RADIL: variants seen among roughly 807,000 people sequenced by gnomAD.
RADIL encodes ras-associating and dilute domain-containing protein.
A neutral mutation model predicts 97.6 loss-of-function variants in RADIL; 99 were observed. That is an observed-to-expected ratio of 1.01 (90% CI 0.86 to 1.20). The LOEUF (loss-of-function observed/expected upper bound fraction) is 1.20, where lower values mean the gene tolerates loss of function less well. Among genes scored for constraint, RADIL ranks in the 50% most tolerant of loss-of-function variants. RADIL has a pLI of 0.00. For missense variants in RADIL, 1,765 were observed against 1,498.9 expected (o/e 1.18, Z -2.93); for synonymous variants, 803 against 691.8 (o/e 1.16, Z -2.52).
rs902016001 is a variant in RADIL, at chr7:4,835,860, C to G, written c.783+498G>C. On this transcript the variant is annotated intron_variant, in intron 3 of 14. Transcript: ENST00000399583. This position sits in a 1 kb window ranked among gnomAD's most constrained non-coding sequence, Gnocchi z 5.8. ...GGTGGCCCTGCGCCTGGCATTTGCT[C>G]GGGGCGACAGCCTGCCTGCTCTGAT... Among the ~76,000 whole-genome samples, 1 of 152,210 alleles carries G rather than the reference C, an allele frequency of 6.6e-6. No individual in the cohort carries two copies. The highest frequency in any genetic ancestry group is 1.5e-5 in the Non-Finnish European group (1 of 68,028).
chr7:4,801,923 G>GGCCAGGGTCCCTGGGA lies in RADIL; in HGVS notation c.2556_2571dup (p.Pro858SerfsTer61), dbSNP rs1264603739. The GGCCAGGGTCCCTGGGA allele has an allele frequency of 1.3e-6, 2 of 1,567,898 alleles. No individual in the cohort carries two copies. The highest frequency in any genetic ancestry group is 2.3e-5 in the East Asian group (1 of 43,972). On this transcript the variant is annotated frameshift_variant, in exon 12 of 15. Coordinates refer to ENST00000399583, the MANE Select transcript of RADIL (RefSeq NM_018059.5). LOFTEE classifies it high-confidence loss of function. ...TCCGGGGCCACTTCCCGGGCTGCTG[G>GGCCAGGGTCCCTGGGA]GCCAGGGTCCCTGGGAGCCAGGGGG...
At chr7:4,831,857 C>G (rs866683452) in intron 5 of RADIL, among the ~76,000 whole-genome samples, 1 of 152,046 alleles carries the variant, frequency 6.6e-6, no homozygotes, top group Non-Finnish European at 1.5e-5. Flanking sequence ...CACTGCACTC[C>G]AGCCTGGCGA....
intron 2 of RADIL, among the ~76,000 whole-genome samples, chr7:4,844,973 CCT>C (rs2115014165): frequency 6.6e-6 from 1 of 151,948 alleles, no homozygotes; most frequent in Admixed American, 6.6e-5. Context: ...ACATGTGGCC[CCT>C]GAGTGCTAGG....
intron 9 of RADIL, among the ~76,000 whole-genome samples, chr7:4,808,233 C>G (rs1782409860): frequency 6.6e-6 from 1 of 150,418 alleles, no homozygotes; most frequent in African/African-American, 2.5e-5. Context: ...CCCCCTCTCT[C>G]TCCCCGCTCC....
At chr7:4,865,439 G>A in intron 2 of RADIL, 1 of 710,952 alleles carries the variant, frequency 1.4e-6, no homozygotes, top group Non-Finnish European at 2.6e-6. Context: ...TTTAATCCTT[G>A]TCTTCCTCCT....
Position 4,813,147 on chromosome 7 carries a change from T to A in RADIL, c.2139+2131A>T, listed in dbSNP as rs1379846242. Among the ~76,000 whole-genome samples, 1 of 151,920 alleles carries A rather than the reference T, an allele frequency of 6.6e-6. No homozygotes were observed. The highest frequency in any genetic ancestry group is 1.5e-5 in the Non-Finnish European group (1 of 67,980). Reference sequence around the variant, plus strand: ...CTTTCTTTCATAGTTGAGGTCTTCCTCTGTTGCCCAGGCTGGAGTGCAGTG... The same window carrying A: ...CTTTCTTTCATAGTTGAGGTCTTCCACTGTTGCCCAGGCTGGAGTGCAGTG... On this transcript the variant is annotated intron_variant, in intron 9 of 14. Transcript: ENST00000399583. The surrounding 1 kb of genome is among the most constrained non-coding windows in gnomAD (Gnocchi z 5.0).
intron 2 of RADIL, chr7:4,859,636 A>G: frequency 2.3e-6 from 1 of 436,642 alleles, no homozygotes; most frequent in South Asian, 3.0e-5. Context: ...CAGTTGGCAG[A>G]TATTGTTCAT....
intron 2 of RADIL, among the ~76,000 whole-genome samples, chr7:4,846,146 A>T (rs1253315467): frequency 1.4e-5 from 2 of 137,998 alleles, no homozygotes; most frequent in Non-Finnish European, 3.1e-5. Context: ...TTTTTTTTTT[A>T]AAGAGACGGA....
In RADIL at chr7:4,858,792, C is replaced by T. The variant is rs555155268; in HGVS notation, c.535+18813G>A. On this transcript the variant is annotated intron_variant, in intron 2 of 14. Transcript: ENST00000399583. ...TTTGGTGTTTTGTGCCATGTGGCCA[C>T]AGGATTGTCAGTTTCACATCATGGT... 4 of 152,396 alleles carry T rather than the reference C, an allele frequency of 2.6e-5. No homozygotes were observed. In the South Asian group the frequency reaches 8.3e-4, roughly 32 times the overall value. 9.4% of individuals were successfully genotyped at this position (152,396 alleles called of 1,614,324 possible).
Position 4,877,663 on chromosome 7 carries a change from C to T in RADIL, c.477G>A (p.Leu159=), listed in dbSNP as rs767858675. ...PREGLSRRFE[L]RKRSDVEELA... ...GCTCCTCCACGTCCGACCTCTTCCT[C>T]AGCTCAAACCTCCGGGATAAACCTT... Residue 159 remains leucine, a synonymous_variant, in exon 2 of 15, where the codon CTG becomes CTA. Coordinates refer to ENST00000399583, the MANE Select transcript of RADIL (RefSeq NM_018059.5). 3 of 1,613,702 alleles carry T rather than the reference C, an allele frequency of 1.9e-6. No homozygotes were observed. Among genetic ancestry groups the T allele is most frequent in the South Asian group, 2.2e-5 (2 of 91,042 alleles).
chr7:4,878,834 A>C lies in RADIL; in HGVS notation c.-64-631T>G, dbSNP rs1368183907. Reference sequence around the variant, plus strand: ...CCGGCCCCAGCACCATCACAGCCACAGAAGAGCAGCGGGCAGCCCAAGGGC... The same window carrying C: ...CCGGCCCCAGCACCATCACAGCCACCGAAGAGCAGCGGGCAGCCCAAGGGC... On this transcript the variant is annotated intron_variant, in intron 1 of 14. Coordinates refer to ENST00000399583, the MANE Select transcript of RADIL (RefSeq NM_018059.5). The surrounding 1 kb of genome is among the most constrained non-coding windows in gnomAD (Gnocchi z 4.1). Among the ~76,000 whole-genome samples the C allele has an allele frequency of 6.6e-6, 1 of 152,230 alleles. No individual in the cohort carries two copies. Among genetic ancestry groups the C allele is most frequent in the Non-Finnish European group, 1.5e-5 (1 of 68,034 alleles).
At chr7:4,866,677 G>C (rs1784138066) in intron 2 of RADIL, among the ~76,000 whole-genome samples, 1 of 152,174 alleles carries the variant, frequency 6.6e-6, no homozygotes. Context: ...TGATTTGAAA[G>C]TGTCTCCAGG....
Position 4,819,191 on chromosome 7 carries a change from C to A in RADIL, c.1616-1840G>T, listed in dbSNP as rs982628162. ...GGTTCAAGCGATTCTCCTGCCTCAG[C>A]CTCCCAAGTAGCTAGGACTACAGGC... On this transcript the variant is annotated intron_variant, in intron 6 of 14. Transcript: ENST00000399583. This position sits in a 1 kb window ranked among gnomAD's most constrained non-coding sequence, Gnocchi z 5.8. Among the ~76,000 whole-genome samples, 13 of 152,064 alleles carry A rather than the reference C, an allele frequency of 8.5e-5. No homozygotes were observed. The highest frequency in any genetic ancestry group is 1.9e-4 in the Non-Finnish European group (13 of 68,018).
At chr7:4,831,131 C>T (rs1339272747) in intron 5 of RADIL, among the ~76,000 whole-genome samples, 1 of 151,254 alleles carries the variant, frequency 6.6e-6, no homozygotes, top group Non-Finnish European at 1.5e-5. Flanking sequence ...GTGGAGGTTG[C>T]CGTGAGCCGA....
rs779511872 is a variant in RADIL at position 4,805,716 on chromosome 7, T to A, written c.2140A>T (p.Met714Leu). Reference protein sequence around the residue: ...LATPRAQLIQMSWTALRAAFP... With the variant: ...LATPRAQLIQLSWTALRAAFP... ...GCAGCCCGCAGGGCTGTCCAGCTCA[T>A]CTGGGTGACAAGAAGGAGCTCATGG... is the stretch of plus-strand genomic sequence containing the variant. Residue 714 changes from methionine (M) to leucine (L), a missense_variant and splice_region_variant, in exon 10 of 15, where the codon ATG (methionine) becomes TTG (leucine). Met to Leu is a conservative substitution (Grantham distance 15). Transcript: ENST00000399583. The A allele has an allele frequency of 3.1e-6, 5 of 1,605,506 alleles. No homozygotes were observed. The highest frequency in any genetic ancestry group is 4.3e-6 in the Non-Finnish European group (5 of 1,175,896).
chr7:4,842,503 G>A lies in RADIL; in HGVS notation c.536-5898C>T, dbSNP rs1783464633. On this transcript the variant is annotated intron_variant, in intron 2 of 14. Transcript: ENST00000399583. This position sits in a 1 kb window ranked among gnomAD's most constrained non-coding sequence, Gnocchi z 4.5. ...TAGTGACCCGCTGCTGGCAGAGAGG[G>A]CAGGGCTCTGCGTGCCGGGGGTGCA... Among the ~76,000 whole-genome samples the A allele has an allele frequency of 6.6e-6, 1 of 152,166 alleles. No homozygotes were observed. The highest frequency in any genetic ancestry group is 1.5e-5 in the Non-Finnish European group (1 of 68,014).
chr7:4,841,209 C>G (rs561962122), intron 2 of RADIL, among the ~76,000 whole-genome samples: 1 of 152,324 alleles, frequency 6.6e-6, no homozygotes, highest in African/African-American at 2.4e-5. Flanking sequence ...AGGCCGAGGT[C>G]AGCTGTGGCC....
chr7:4,831,237 G>A (rs927443103), intron 5 of RADIL, among the ~76,000 whole-genome samples: 2 of 151,534 alleles, frequency 1.3e-5, no homozygotes, highest in Admixed American at 6.6e-5. Flanking sequence ...TCCTTTGCAG[G>A]GACATGGATG....
At chr7:4,843,821 A>C (rs965582885) in intron 2 of RADIL, among the ~76,000 whole-genome samples, 1 of 151,508 alleles carries the variant, frequency 6.6e-6, no homozygotes. Flanking sequence ...CTGAGACAAG[A>C]GAATTGCTTG....
Sources: gnomAD v4.1 joint callset for allele counts (sites outside exome capture counted in the v4.1 genomes callset) on GRCh38, gnomAD v4.1.1 for gene constraint, Gnocchi (gnomAD v3.1) non-coding constraint, MANE v1.5 for transcripts, NCBI Gene and HGNC (gene_info 2026-07-23, HGNC 2026-07-21) for gene names.